The following CNTNAP2 variants were observed in gnomAD, a reference collection of about 807,000 sequenced individuals.
The protein encoded by CNTNAP2 is contactin-associated protein-like 2.
Under a neutral mutation model 155.2 loss-of-function variants are expected in CNTNAP2, and 98 were observed. The observed-to-expected ratio is 0.63, with a 90% CI of 0.54 to 0.75. CNTNAP2 has a LOEUF of 0.75. CNTNAP2 is among the 30% of genes least tolerant of loss of function. CNTNAP2 has a pLI of 0.00. For synonymous variants in CNTNAP2, 651 were observed against 631.2 expected (o/e 1.03, Z -0.47); for missense variants, 1,727 against 1,688.1 (o/e 1.02, Z -0.40).
intron 10 of CNTNAP2, among the ~76,000 whole-genome samples, chr7:147,430,964 C>T (rs1025228073): frequency 4.0e-5 from 6 of 151,418 alleles, no homozygotes; most frequent in African/African-American, 7.3e-5. Flanking sequence ...AGGAGAATGG[C>T]GTGAACCTGA....
At chr7:146,415,041 C>T (rs1415135875) in intron 1 of CNTNAP2, among the ~76,000 whole-genome samples, 1 of 152,130 alleles carries the variant, frequency 6.6e-6, no homozygotes, top group Non-Finnish European at 1.5e-5. Flanking sequence ...GGGCAGAATG[C>T]CATCGGTTAA....
chr7:146,630,290 A>G (rs941057776), intron 1 of CNTNAP2, among the ~76,000 whole-genome samples: 1 of 152,098 alleles, frequency 6.6e-6, no homozygotes, highest in Non-Finnish European at 1.5e-5. Context: ...AGCTTCATCC[A>G]TGTCCCTGCA....
chr7:148,310,093 A>T (rs1327478101), intron 21 of CNTNAP2, among the ~76,000 whole-genome samples: 1 of 152,166 alleles, frequency 6.6e-6, no homozygotes, highest in African/African-American at 2.4e-5. Flanking sequence ...GATTTTGTAT[A>T]AATTGAAAAA....
At chr7:147,852,701 C>CACCT (rs1239344968) in intron 13 of CNTNAP2, among the ~76,000 whole-genome samples, 1 of 152,188 alleles carries the variant, frequency 6.6e-6, no homozygotes. Flanking sequence ...TCACGGCTGA[C>CACCT]ACCTATTGAT....
intron 19 of CNTNAP2, among the ~76,000 whole-genome samples, chr7:148,228,562 G>T (rs533828624): frequency 6.6e-6 from 1 of 152,174 alleles, no homozygotes; most frequent in East Asian, 1.9e-4. Flanking sequence ...GTCGGCTCAC[G>T]CCTGTAATCC....
chr7:148,396,295 T>A (rs1799466661), intron 22 of CNTNAP2, among the ~76,000 whole-genome samples: 1 of 152,168 alleles, frequency 6.6e-6, no homozygotes, highest in South Asian at 2.1e-4. Flanking sequence ...TTGTGTGTCT[T>A]TCCTTACCCC....
intron 15 of CNTNAP2, among the ~76,000 whole-genome samples, chr7:148,112,880 C>T (rs1369229332): frequency 6.7e-6 from 1 of 149,536 alleles, no homozygotes; most frequent in Non-Finnish European, 1.5e-5. Context: ...AAAAAAAATA[C>T]AGCTGTTTAA....
At chr7:147,012,626 T>C (rs982838464) in intron 3 of CNTNAP2, among the ~76,000 whole-genome samples, 39 of 152,258 alleles carry the variant, frequency 2.6e-4, no homozygotes, top group African/African-American at 9.1e-4. Context: ...ATTTAAAAGT[T>C]GATCAGTATG....
chr7:148,000,308 G>A (rs1245709251), intron 15 of CNTNAP2, among the ~76,000 whole-genome samples: 2 of 152,140 alleles, frequency 1.3e-5, no homozygotes, highest in African/African-American at 2.4e-5. Flanking sequence ...CTCCAGAGGG[G>A]AAGAAGCCTT....
intron 15 of CNTNAP2, among the ~76,000 whole-genome samples, chr7:148,105,291 G>T (rs1460392989): frequency 6.6e-6 from 1 of 152,152 alleles, no homozygotes; most frequent in Non-Finnish European, 1.5e-5. Flanking sequence ...TATGAACTGA[G>T]AGAGAGAAGG....
intron 1 of CNTNAP2, among the ~76,000 whole-genome samples, chr7:146,332,941 A>ATTTT (rs4016094): frequency 6.5e-4 from 67 of 102,446 alleles, no homozygotes; most frequent in Non-Finnish European, 9.4e-4. Flanking sequence ...TTCTTCTTCT[A>ATTTT]TTTTTTTTTT....
intron 4 of CNTNAP2, among the ~76,000 whole-genome samples, chr7:147,059,848 C>T (rs1242331796): frequency 6.6e-6 from 1 of 152,038 alleles, no homozygotes; most frequent in Non-Finnish European, 1.5e-5. Context: ...AAGCATGTTA[C>T]CTCTTAAAGA....
At chr7:147,721,866 A>G (rs1039285561) in intron 13 of CNTNAP2, among the ~76,000 whole-genome samples, 1 of 152,136 alleles carries the variant, frequency 6.6e-6, no homozygotes, top group Non-Finnish European at 1.5e-5. Context: ...ATTTCCAAGC[A>G]TCAGTCAAGT....
At chr7:148,060,974 T>C (rs1563184853) in intron 15 of CNTNAP2, among the ~76,000 whole-genome samples, 1 of 152,102 alleles carries the variant, frequency 6.6e-6, no homozygotes, top group Non-Finnish European at 1.5e-5. Context: ...GATCAAAGTG[T>C]TGAGAGAAAG....
intron 1 of CNTNAP2, among the ~76,000 whole-genome samples, chr7:146,129,381 C>T (rs948817915): frequency 2.6e-5 from 4 of 152,034 alleles, no homozygotes; most frequent in Non-Finnish European, 5.9e-5. Context: ...TTACAGTATT[C>T]AGAGGATCTC....
chr7:147,677,041 C>T (rs1305235951), intron 13 of CNTNAP2, among the ~76,000 whole-genome samples: 2 of 149,416 alleles, frequency 1.3e-5, no homozygotes, highest in Admixed American at 1.3e-4. Flanking sequence ...AGTGAGATTG[C>T]TGGATCACTT....
At chr7:146,362,472 G>A (rs1795095938) in intron 1 of CNTNAP2, among the ~76,000 whole-genome samples, 2 of 152,070 alleles carry the variant, frequency 1.3e-5, no homozygotes, top group Non-Finnish European at 2.9e-5. Context: ...GAGTGTGAAG[G>A]AGCAGCCTGT....
chr7:146,850,709 A>G (rs1437245299), intron 3 of CNTNAP2, among the ~76,000 whole-genome samples: 1 of 151,924 alleles, frequency 6.6e-6, no homozygotes, highest in Non-Finnish European at 1.5e-5. Context: ...TATGAAAGCA[A>G]AAAAAAATTG....
At chr7:148,168,066 G>T (rs922597511) in intron 17 of CNTNAP2, among the ~76,000 whole-genome samples, 4 of 152,038 alleles carry the variant, frequency 2.6e-5, no homozygotes, top group Non-Finnish European at 4.4e-5. Flanking sequence ...GAAACAACAG[G>T]TGCTGGAGAG....
Sources: gnomAD v4.1 joint callset for allele counts (sites outside exome capture counted in the v4.1 genomes callset) on GRCh38, gnomAD v4.1.1 for gene constraint, MANE v1.5 for transcripts, NCBI Gene and HGNC (gene_info 2026-07-23, HGNC 2026-07-21) for gene names.